The following RBM19 variants were observed in gnomAD, a reference collection of about 807,000 sequenced individuals.
RBM19 encodes the protein probable RNA-binding protein 19.
A neutral mutation model predicts 116.8 loss-of-function variants in RBM19; 94 were observed. The ratio of observed to expected loss-of-function variants is 0.80; its 90% CI spans 0.68 to 0.95. RBM19 has a LOEUF of 0.95. Ranked by LOEUF, RBM19 falls within the 40% of genes least tolerant of loss-of-function variation. The pLI, the probability that RBM19 is intolerant of heterozygous loss-of-function variation, is 0.00. For missense variants in RBM19, 1,161 were observed against 1,220.7 expected (o/e 0.95, Z 0.73); for synonymous variants, 475 against 494.1 (o/e 0.96, Z 0.51).
At chr12:113,849,886 C>T (rs1469974108) in intron 22 of RBM19, among the ~76,000 whole-genome samples, 4 of 152,168 alleles carry the variant, frequency 2.6e-5, no homozygotes, top group Non-Finnish European at 5.9e-5. Context: ...GCTCCCTTGG[C>T]CTCTGGTTTC....
downstream of RBM19, among the ~76,000 whole-genome samples, chr12:113,819,477 A>G (rs1460637346): frequency 6.6e-6 from 1 of 152,154 alleles, no homozygotes; most frequent in South Asian, 2.1e-4. Context: ...TGCCCCCTGC[A>G]GCAGTCAGTC....
At position 113,947,412 on chromosome 12, in the gene RBM19, CT is replaced by C. The variant is rs765653615; in HGVS notation, c.1328del (p.Lys443ArgfsTer15). 9 of 1,610,558 alleles carry C rather than the reference CT, an allele frequency of 5.6e-6. No individual in the cohort carries two copies. Among genetic ancestry groups the C allele is most frequent in the South Asian group, 1.1e-5 (1 of 90,940 alleles). On this transcript the variant is annotated frameshift_variant, in exon 11 of 24. Transcript: ENST00000261741. LOFTEE classifies it high-confidence loss of function. The part of the protein sequence containing the change: ...YPIDSLTKKP[K>X]GFAFITFMFP... ...ACATGAAGGTGATGAATGCAAAACC[CT>C]TGGGTTTCTTGGTCAGGCTGTCGAT...
chr12:113,953,542 T>G (rs1205743492), intron 7 of RBM19, among the ~76,000 whole-genome samples: 1 of 152,206 alleles, frequency 6.6e-6, no homozygotes, highest in Non-Finnish European at 1.5e-5. Flanking sequence ...GAGAGTATGA[T>G]CCATCTTACA....
intron 14 of RBM19, 43 bp downstream of exon 14, chr12:113,942,281 C>G: frequency 1.9e-6 from 3 of 1,565,844 alleles, no homozygotes; most frequent in Non-Finnish European, 1.7e-6. Flanking sequence ...ATTCTCGACT[C>G]TCCAGTGGCT....
chr12:113,855,539 T>C (rs929292637), intron 22 of RBM19, among the ~76,000 whole-genome samples: 1 of 152,180 alleles, frequency 6.6e-6, no homozygotes, highest in Non-Finnish European at 1.5e-5. Flanking sequence ...ATCAATGCCC[T>C]TGGCGGGGGA....
chr12:113,881,093 C>T (rs868060693), intron 21 of RBM19, among the ~76,000 whole-genome samples: 2 of 152,188 alleles, frequency 1.3e-5, no homozygotes, highest in African/African-American at 2.4e-5. Context: ...TGAACTGGGG[C>T]GCTGCTCTAA....
rs373112331 is a variant in RBM19, at chr12:113,911,638, G to A, written c.2558+3331C>T. On this transcript the variant is annotated intron_variant, in intron 21 of 23. Transcript: ENST00000261741. ...TTTAATCCTTATAGTCCTTGAGGCC[G>A]ATGAGCAGCGTGGTGGCCTGAGGCA... is the stretch of plus-strand genomic sequence containing the variant. 6.8e-4 allele frequency among the ~76,000 whole-genome samples: 103 copies of A among 152,250 alleles called. No individual in the cohort carries two copies. The Middle Eastern group carries it at 0.014, about 20-fold the overall frequency.
intron 13 of RBM19, among the ~76,000 whole-genome samples, chr12:113,943,849 A>G (rs1870782478): frequency 6.6e-6 from 1 of 152,128 alleles, no homozygotes; most frequent in Non-Finnish European, 1.5e-5. Flanking sequence ...TGTCTTGGAT[A>G]TACTGAGTTA....
intron 6 of RBM19, among the ~76,000 whole-genome samples, chr12:113,957,327 G>A (rs184360574): frequency 7.9e-4 from 121 of 152,292 alleles, no homozygotes; most frequent in African/African-American, 2.9e-3. Context: ...TATAATCCCA[G>A]CACTTTGGGA....
At chr12:113,942,978 C>T (rs2135911916) in intron 13 of RBM19, among the ~76,000 whole-genome samples, 1 of 152,292 alleles carries the variant, frequency 6.6e-6, no homozygotes, top group African/African-American at 2.4e-5. Flanking sequence ...CTCTCCTGCA[C>T]TCCCTCCCCT....
chr12:113,829,045 G>A (rs1593452280), intron 23 of RBM19, among the ~76,000 whole-genome samples: 1 of 151,992 alleles, frequency 6.6e-6, no homozygotes, highest in East Asian at 1.9e-4. Flanking sequence ...TGTCACCCAG[G>A]TGAGTGCAGT....
chr12:113,852,840 C>G (rs748648407), intron 22 of RBM19, among the ~76,000 whole-genome samples: 1 of 152,236 alleles, frequency 6.6e-6, no homozygotes, highest in Non-Finnish European at 1.5e-5. Context: ...CACTAACCAG[C>G]GTGCAGCACG....
Position 113,966,250 on chromosome 12 carries a change from G to A in RBM19, c.-23C>T. 1.2e-6 allele frequency: 2 copies of A among 1,614,088 alleles called. No homozygotes were observed. Among genetic ancestry groups the A allele is most frequent in the Non-Finnish European group, 1.7e-6 (2 of 1,180,014 alleles). ...CATGGCGCAGGGTCCCCGCTGTTTT[G>A]ATTCCAACACGACTGGTCAGCGTCT... On this transcript the variant is annotated 5_prime_UTR_variant, in exon 1 of 24. Transcript: ENST00000261741.
chr12:113,961,983 G>A (rs541337782), intron 2 of RBM19, among the ~76,000 whole-genome samples: 27 of 152,372 alleles, frequency 1.8e-4, no homozygotes, highest in African/African-American at 6.5e-4. Context: ...CTGAGGGCTT[G>A]TTGGATGTGT....
intron 21 of RBM19, among the ~76,000 whole-genome samples, chr12:113,865,827 G>T: frequency 7.2e-6 from 1 of 139,506 alleles, no homozygotes; most frequent in East Asian, 2.2e-4. Flanking sequence ...ATCACAGCAA[G>T]AAAAAAAAAA....
chr12:113,824,812 C>T (rs886457020), intron 23 of RBM19, among the ~76,000 whole-genome samples: 1 of 152,110 alleles, frequency 6.6e-6, no homozygotes, highest in Non-Finnish European at 1.5e-5. Flanking sequence ...ATCATCTCCA[C>T]GGCTGCACCC....
At chr12:113,821,557 A>G (rs1245626020), downstream of RBM19, among the ~76,000 whole-genome samples, 2 of 152,086 alleles carry the variant, frequency 1.3e-5, no homozygotes, top group East Asian at 1.9e-4. Flanking sequence ...TAACAGAGAC[A>G]CTGTTCAGCC....
chr12:113,848,167 C>T (rs1437482375), intron 22 of RBM19, among the ~76,000 whole-genome samples: 1 of 152,228 alleles, frequency 6.6e-6, no homozygotes, highest in Admixed American at 6.5e-5. Flanking sequence ...AACACTGGCA[C>T]ATAACATGTG....
chr12:113,952,405 C>G (rs1326646568), intron 8 of RBM19, 107 bp downstream of exon 8: 3 of 1,018,096 alleles, frequency 2.9e-6, no homozygotes, highest in African/African-American at 1.6e-5. Context: ...GGACCACAAA[C>G]AGGAAGAAAA....
Sources: gnomAD v4.1 joint callset for allele counts (sites outside exome capture counted in the v4.1 genomes callset) on GRCh38, gnomAD v4.1.1 for gene constraint, MANE v1.5 for transcripts, NCBI Gene and HGNC (gene_info 2026-07-23, HGNC 2026-07-21) for gene names.